CEACAM1: variants seen among roughly 807,000 people sequenced by gnomAD.
CEACAM1 encodes CEA cell adhesion molecule 1, also known as cell adhesion molecule CEACAM1.
A neutral mutation model predicts 49.1 loss-of-function variants in CEACAM1; 31 were observed. That is an observed-to-expected ratio of 0.63 (90% CI 0.47 to 0.85). CEACAM1 has a LOEUF of 0.85. Among genes scored for constraint, CEACAM1 ranks in the 40% least tolerant of loss-of-function variants. The pLI, the probability that CEACAM1 is intolerant of heterozygous loss-of-function variation, is 0.00. For synonymous variants in CEACAM1, 244 were observed against 247.8 expected (o/e 0.98, Z 0.14); for missense variants, 570 against 645.3 (o/e 0.88, Z 1.26).
At chr19:42,523,297 G>A (rs1259180753) in intron 2 of CEACAM1, among the ~76,000 whole-genome samples, 1 of 152,210 alleles carries the variant, frequency 6.6e-6, no homozygotes, top group Admixed American at 6.5e-5. Flanking sequence ...GTATGTTTCA[G>A]CAGAAATAAC....
Position 42,522,025 on chromosome 19 carries a change from GT to G in CEACAM1, c.601del (p.Thr201LeufsTer21). On this transcript the variant is annotated frameshift_variant, in exon 3 of 9. Transcript: ENST00000161559. LOFTEE classifies it high-confidence loss of function. The part of the protein sequence containing the change: ...LQLSNGNRTL[T>X]LLSVTRNDTG... ...GTCATTCCTTGTGACACTGAGTAGA[GT>G]GAGGGTCCTGTTGCCATTGGACAGC... The G allele has an allele frequency of 6.2e-7, 1 of 1,614,234 alleles. No individual in the cohort carries two copies. The highest frequency in any genetic ancestry group is 8.5e-7 in the Non-Finnish European group (1 of 1,180,044).
At chr19:42,519,335 A>G (rs1436521698) in intron 4 of CEACAM1, 100 bp from the exon 5 acceptor site, 11 of 1,201,488 alleles carry the variant, frequency 9.2e-6, no homozygotes, top group Non-Finnish European at 1.3e-5. Context: ...GCCAGCTCTC[A>G]GGTCCCACAG....
intron 3 of CEACAM1, 151 bp downstream of exon 3, chr19:42,521,773 G>C: frequency 6.5e-7 from 1 of 1,549,800 alleles, no homozygotes; most frequent in Non-Finnish European, 8.7e-7. Context: ...GGGCTGCCCA[G>C]GTTTGCCTGG....
At chr19:42,519,312 C>T (rs1465718663) in intron 4 of CEACAM1, 77 bp from the exon 5 acceptor site, 6 of 1,458,502 alleles carry the variant, frequency 4.1e-6, no homozygotes, top group East Asian at 2.3e-5. Context: ...ATGCTCCTTT[C>T]CCTGAGATTT....
At chr19:42,515,020 C>A in intron 5 of CEACAM1, 1 of 681,184 alleles carries the variant, frequency 1.5e-6, no homozygotes, top group South Asian at 1.6e-5. Context: ...CCTGTAATCT[C>A]AGCACTTTGG....
chr19:42,518,173 C>G (rs1021182839), intron 5 of CEACAM1, among the ~76,000 whole-genome samples: 1 of 152,012 alleles, frequency 6.6e-6, no homozygotes, highest in African/African-American at 2.4e-5. Context: ...TCCTGTAATC[C>G]CAGCACTTTG....
chr19:42,522,187 G>A lies in CEACAM1; in HGVS notation c.440C>T (p.Pro147Leu), dbSNP rs752891402. The A allele has an allele frequency of 1.2e-5, 19 of 1,614,086 alleles. No individual in the cohort carries two copies. The highest frequency in any genetic ancestry group is 1.6e-5 in the Non-Finnish European group (19 of 1,180,048). ...GTTGGAGTTGTTGCTGGAGATGGAG[G>A]GCTTGGGCAGCTCCGCTATGCAGAA... The part of the protein sequence containing the change: ...QFHVYPELPK[P>L]SISSNNSNPV... The change falls in exon 3 of 9, where the codon CCC becomes CTC. Residue 147 changes from proline to leucine, a missense_variant. By Grantham distance (98) the Pro-to-Leu change is moderately conservative. Transcript: ENST00000161559.
intron 3 of CEACAM1, 126 bp from the exon 4 acceptor site, chr19:42,521,647 T>C (rs1185572836): frequency 2.0e-6 from 3 of 1,527,072 alleles, no homozygotes; most frequent in Non-Finnish European, 2.6e-6. Context: ...CAAACCTCCA[T>C]TGTGTCCACT....
intron 2 of CEACAM1, among the ~76,000 whole-genome samples, chr19:42,523,667 C>T (rs7258854): frequency 0.058 from 8,833 of 152,166 alleles, 837 homozygotes; most frequent in African/African-American, 0.2. Flanking sequence ...CCTCATGGAC[C>T]GTGTGTGTTT....
At chr19:42,526,765 G>T (rs1025097771) in intron 2 of CEACAM1, among the ~76,000 whole-genome samples, 11 of 152,126 alleles carry the variant, frequency 7.2e-5, no homozygotes, top group Non-Finnish European at 1.6e-4. Flanking sequence ...TCACCAGGAG[G>T]GTCCCGGGGG....
At chr19:42,514,619 C>T (rs1568653338) in intron 5 of CEACAM1, among the ~76,000 whole-genome samples, 1 of 152,140 alleles carries the variant, frequency 6.6e-6, no homozygotes, top group East Asian at 1.9e-4. Context: ...GGGGCTTAAC[C>T]CTCACCAGTC....
intron 5 of CEACAM1, chr19:42,517,000 T>C: frequency 3.9e-6 from 1 of 256,346 alleles, no homozygotes. Flanking sequence ...ACCAGTGGAA[T>C]AAAATATAGA....
chr19:42,511,346 C>T, intron 7 of CEACAM1: 9 of 594,808 alleles, frequency 1.5e-5, no homozygotes, highest in South Asian at 1.4e-4. Context: ...GGATCTTCCT[C>T]AGGCCTGCCT....
chr19:42,510,763 G>C (rs896652015), intron 8 of CEACAM1, 126 bp downstream of exon 8: 74 of 836,830 alleles, frequency 8.8e-5, no homozygotes, highest in African/African-American at 7.7e-4. Flanking sequence ...TTACAAATAC[G>C]TCTTTGTTGT....
At position 42,521,268 on chromosome 19, in the gene CEACAM1, A is replaced by G; in HGVS notation, c.957T>C (p.Thr319=). The change falls in exon 4 of 9, where the codon ACT becomes ACC. Residue 319 remains threonine (T), a splice_region_variant and synonymous_variant. Transcript: ENST00000161559. ...NRTTVKTIIV[T]ELSPVVAKPQ... ...GTTGATGCTCCAGGAATTACTTACC[A>G]GTGACTATGATCGTCTTGACTGTGG... is the stretch of plus-strand genomic sequence containing the variant. The G allele has an allele frequency of 6.2e-7, 1 of 1,613,834 alleles. No homozygotes were observed. Among genetic ancestry groups the G allele is most frequent in the Non-Finnish European group, 8.5e-7 (1 of 1,179,736 alleles).
chr19:42,513,580 G>C (rs1487331108), intron 5 of CEACAM1, among the ~76,000 whole-genome samples: 2 of 151,886 alleles, frequency 1.3e-5, no homozygotes, highest in Non-Finnish European at 2.9e-5. Flanking sequence ...CTGGGCAACA[G>C]AGTGAGACTC....
chr19:42,523,655 A>G (rs907175815), intron 2 of CEACAM1, among the ~76,000 whole-genome samples: 1 of 152,214 alleles, frequency 6.6e-6, no homozygotes, highest in African/African-American at 2.4e-5. Flanking sequence ...TGAAAGCCTG[A>G]CCCTCATGGA....
At chr19:42,511,727 C>T (rs2147769836) in intron 6 of CEACAM1, 99 bp from the exon 7 acceptor site, 1 of 1,119,946 alleles carries the variant, frequency 8.9e-7, no homozygotes, top group South Asian at 1.3e-5. Flanking sequence ...CCTTAGAGTC[C>T]TTGATGTTCA....
At chr19:42,520,394 C>T (rs1442328318) in intron 4 of CEACAM1, 2 of 152,230 alleles carry the variant, frequency 1.3e-5, no homozygotes, top group Non-Finnish European at 2.9e-5. Flanking sequence ...GACAGAGTCT[C>T]TCTGTGTTGT....
Sources: gnomAD v4.1 joint callset for allele counts (sites outside exome capture counted in the v4.1 genomes callset) on GRCh38, gnomAD v4.1.1 for gene constraint, MANE v1.5 for transcripts, NCBI Gene and HGNC (gene_info 2026-07-23, HGNC 2026-07-21) for gene names.